The following NCOA4 variants were observed in gnomAD, a reference collection of about 807,000 sequenced individuals.
NCOA4 encodes the protein 70 kDa AR-activator.
In NCOA4, 31 loss-of-function variants were observed where a neutral mutation model predicts 69.5. The ratio of observed to expected loss-of-function variants is 0.45; its 90% confidence interval spans 0.34 to 0.60. The LOEUF is 0.60. Among genes scored for constraint, NCOA4 ranks in the 20% least tolerant of loss-of-function variants. NCOA4 has a pLI of 0.02. For missense variants in NCOA4, 600 were observed against 719.2 expected (o/e 0.83, Z 1.90); for synonymous variants, 228 against 252.4 (o/e 0.90, Z 0.92).
intron 1 of NCOA4, among the ~76,000 whole-genome samples, chr10:46,028,219 C>T (rs554565353): frequency 3.5e-4 from 54 of 152,288 alleles, no homozygotes; most frequent in Admixed American, 2.0e-3. Context: ...CCATTCCTCA[C>T]CATCTTTTAT....
chr10:46,006,287 A>ATT lies in NCOA4; in HGVS notation c.*304_*305insAA, dbSNP rs1838804696. The ATT allele has an allele frequency of 2.3e-5, 10 of 431,906 alleles. No homozygotes were observed. In the South Asian group the frequency reaches 4.4e-4, roughly 19 times the overall value. 26.8% of individuals were successfully genotyped at this position (431,906 alleles called of 1,614,324 possible). On this transcript the variant is annotated 3_prime_UTR_variant, in exon 10 of 10. Coordinates refer to ENST00000581486, the MANE Select transcript of NCOA4 (RefSeq NM_001145263.2). ...GTACTTTTAGTAACGACCCAATCTA[A>ATT]GGAGCCTTGGAGGCTTGTGAAAAAG...
intron 1 of NCOA4, chr10:46,027,340 CA>C: frequency 9.0e-7 from 1 of 1,112,524 alleles, no homozygotes; most frequent in Non-Finnish European, 1.3e-6. Context: ...TTAAGCATTG[CA>C]ATGTTATGAT....
At chr10:46,007,055 G>C (rs1838870561) in intron 9 of NCOA4, among the ~76,000 whole-genome samples, 1 of 152,160 alleles carries the variant, frequency 6.6e-6, no homozygotes, top group South Asian at 2.1e-4. Flanking sequence ...GAGCACAAAA[G>C]CAAAGTTTTT....
chr10:46,012,086 A>AAAAAAAAAAAAAAAAAAAAAG (rs1839257954), intron 7 of NCOA4, among the ~76,000 whole-genome samples: 1 of 138,360 alleles, frequency 7.2e-6, no homozygotes, highest in African/African-American at 3.1e-5. Context: ...AAAAAAAAAA[A>AAAAAAAAAAAAAAAAAAAAAG]AAAAAAAAAA....
chr10:46,010,370 T>C lies in NCOA4; in HGVS notation c.1551A>G (p.Arg517=). The C allele has an allele frequency of 6.2e-7, 1 of 1,614,128 alleles. No individual in the cohort carries two copies. Among genetic ancestry groups the C allele is most frequent in the Non-Finnish European group, 8.5e-7 (1 of 1,180,026 alleles). The change falls in exon 8 of 10, where the codon AGA becomes AGG. Residue 517 remains arginine, a synonymous_variant. Transcript: ENST00000581486. ...SPKEVPGTED[R]AGKQKFKSPM... is the part of the protein sequence containing the mutation. Reference sequence around the variant, plus strand: ...GGCTTTTAAACTTCTGTTTGCCAGCTCTGTCTTCAGTACCAGGCACTTCCT... The same window carrying C: ...GGCTTTTAAACTTCTGTTTGCCAGCCCTGTCTTCAGTACCAGGCACTTCCT...
rs563882260 is a variant in NCOA4 at position 46,019,321 on chromosome 10, A to G, written c.-14-2627T>C. The stretch of plus-strand genomic sequence containing the variant: ...ACTCACTGCAGGGACTATGAAAAAT[A>G]CCTGTATCACATGGGTGAAATGCCG... On this transcript the variant is annotated intron_variant, in intron 1 of 9. Transcript: ENST00000581486. 31 of 985,348 alleles carry G rather than the reference A, an allele frequency of 3.1e-5. No individual in the cohort carries two copies. In the African/African-American group the frequency reaches 5.2e-4, roughly 17 times the overall value. 61.0% of individuals were successfully genotyped at this position (985,348 alleles called of 1,614,324 possible).
Position 46,016,540 on chromosome 10 carries a change from C to A in NCOA4, c.141G>T (p.Glu47Asp). 6.6e-7 allele frequency: 1 copy of A among 1,505,378 alleles called. No homozygotes were observed. The highest frequency in any genetic ancestry group is 9.0e-7 in the Non-Finnish European group (1 of 1,116,064). 93.3% of individuals were successfully genotyped at this position (1,505,378 alleles called of 1,614,324 possible). Residue 47 changes from glutamate to aspartate, a missense_variant and splice_region_variant, in exon 2 of 10, where the codon GAG becomes GAT. By Grantham distance (45) the Glu-to-Asp change is conservative. Coordinates refer to ENST00000581486, the MANE Select transcript of NCOA4 (RefSeq NM_001145263.2). ...CAGAAGAGAAAAGCACATGTCACAC[C>A]TCTCGCAAGTTATCTTTAATTTGCT... ...AEQQIKDNLR[E>D]VKAQIHSCIS...
intron 1 of NCOA4, 92 bp from the exon 2 acceptor site, chr10:46,016,786 C>G: frequency 1.1e-6 from 1 of 875,282 alleles, no homozygotes; most frequent in Non-Finnish European, 1.6e-6. Flanking sequence ...CCAGCCAACT[C>G]CCATTACTAA....
In NCOA4 at chr10:46,006,351, T is replaced by G. The variant is rs1838807579; in HGVS notation, c.*241A>C. 1.9e-6 allele frequency: 1 copy of G among 532,676 alleles called. No homozygotes were observed. The highest frequency in any genetic ancestry group is 1.9e-5 in the African/African-American group (1 of 53,060). The allele number at this position is 532,676 out of a possible 1,614,324, so 33.0% of individuals were successfully genotyped here. On this transcript the variant is annotated 3_prime_UTR_variant, in exon 10 of 10. Coordinates refer to ENST00000581486, the MANE Select transcript of NCOA4 (RefSeq NM_001145263.2). ...TGCTGCATTTCTAGTGTGGGGTGAA[T>G]TAAAATACTTCTGTAAGAAGGAGGG...
intron 1 of NCOA4, chr10:46,027,509 A>G (rs1554925751): frequency 6.5e-7 from 1 of 1,544,284 alleles, no homozygotes; most frequent in South Asian, 1.2e-5. Flanking sequence ...TCTATGTTGA[A>G]GCAATGTGTC....
In NCOA4 at chr10:46,009,510, G is replaced by A. The variant is rs1839070646; in HGVS notation, c.1740C>T (p.Phe580=). The change falls in exon 9 of 10, where the codon TTC becomes TTT. Residue 580 remains phenylalanine, a synonymous_variant. Transcript: ENST00000581486. ...LNSPLQEEHN[F]PPDHYGLPAV... ...CAGGGAGGCCATAATGGTCTGGGGG[G>A]AAGTTATGTTCCTCCTGTAGAGGTG... The A allele has an allele frequency of 2.5e-6, 4 of 1,611,006 alleles. No individual in the cohort carries two copies. Among genetic ancestry groups the A allele is most frequent in the Non-Finnish European group, 2.5e-6 (3 of 1,178,972 alleles).
intron 8 of NCOA4, among the ~76,000 whole-genome samples, chr10:46,010,006 C>T (rs532869292): frequency 2.0e-5 from 3 of 152,040 alleles, no homozygotes; most frequent in East Asian, 1.9e-4. Flanking sequence ...ACCAAAAATA[C>T]AAAAAATTAG....
chr10:46,008,762 G>C (rs1465383141), intron 9 of NCOA4, among the ~76,000 whole-genome samples: 1 of 152,172 alleles, frequency 6.6e-6, no homozygotes, highest in Non-Finnish European at 1.5e-5. Context: ...AATATTTCGT[G>C]AAAGGAAAAG....
At chr10:46,009,180 G>T (rs1472780891) in intron 9 of NCOA4, 2 of 1,550,896 alleles carry the variant, frequency 1.3e-6, no homozygotes, top group African/African-American at 1.4e-5. Flanking sequence ...AATTCCCAAC[G>T]GTTACATCTT....
At position 46,014,878 on chromosome 10, in the gene NCOA4, T is replaced by C. The variant is rs781943229; in HGVS notation, c.347A>G (p.Asn116Ser). 6 of 1,614,104 alleles carry C rather than the reference T, an allele frequency of 3.7e-6. No individual in the cohort carries two copies. Among genetic ancestry groups the C allele is most frequent in the Non-Finnish European group, 3.4e-6 (4 of 1,179,958 alleles). The change falls in exon 4 of 10, where the codon AAT becomes AGT. Residue 116 changes from asparagine to serine, a missense_variant. By Grantham distance (46) the Asn-to-Ser change is conservative. Transcript: ENST00000581486. ...LECTQNKDLA[N>S]QVSVCLERLG... is the part of the protein sequence containing the mutation. ...CCTCTCCAGGCACACAGAGACTTGATTGGCTAGATCTTTGTTTTGGGTACA... is the reference window on the plus strand; with the variant it reads ...CCTCTCCAGGCACACAGAGACTTGACTGGCTAGATCTTTGTTTTGGGTACA...
At chr10:46,020,405 A>G (rs1171901730) in intron 1 of NCOA4, among the ~76,000 whole-genome samples, 2 of 152,212 alleles carry the variant, frequency 1.3e-5, no homozygotes, top group African/African-American at 4.8e-5. Context: ...TTATATGTCT[A>G]CCGGCACTTA....
At chr10:46,011,230 A>C in intron 7 of NCOA4, 24 bp from the exon 8 acceptor site, 2 of 1,550,568 alleles carry the variant, frequency 1.3e-6, no homozygotes, top group East Asian at 2.2e-5. Context: ...ACACAGTATT[A>C]GTTTGCCAGA....
rs1201691372 is a variant in NCOA4 at position 46,005,849 on chromosome 10, G to C, written c.*743C>G. 1.4e-5 allele frequency: 3 copies of C among 207,444 alleles called. No homozygotes were observed. The Admixed American group carries it at 1.8e-4, about 12-fold the overall frequency. 12.9% of individuals were successfully genotyped at this position (207,444 alleles called of 1,614,324 possible). A position where few individuals can be genotyped will look rare whatever the true frequency, so the allele number is the denominator to read the frequency against. ...TACTGGGGTTCTTTTAAGCCCCGTA[G>C]GTCTGTAGAATATTTTAAAAGGCTA... On this transcript the variant is annotated 3_prime_UTR_variant, in exon 10 of 10. Transcript: ENST00000581486.
chr10:46,013,729 A>T, intron 5 of NCOA4, 90 bp from the exon 6 acceptor site: 1 of 864,278 alleles, frequency 1.2e-6, no homozygotes, highest in Non-Finnish European at 1.8e-6. Flanking sequence ...ATGTTAAAGC[A>T]TTACCATTTC....
Sources: gnomAD v4.1 joint callset for allele counts (sites outside exome capture counted in the v4.1 genomes callset) on GRCh38, gnomAD v4.1.1 for gene constraint, MANE v1.5 for transcripts, NCBI Gene and HGNC (gene_info 2026-07-23, HGNC 2026-07-21) for gene names.